Variants in APTX observed in about 807,000 individuals in gnomAD.
The protein encoded by APTX is forkhead-associated domain histidine triad-like protein.
A neutral mutation model predicts 42.3 loss-of-function variants in APTX; 33 were observed. That is an observed-to-expected ratio of 0.78 (90% CI 0.59 to 1.04). APTX has a LOEUF of 1.04. APTX is among the 50% of genes least tolerant of loss of function. APTX has a pLI of 0.00. For missense variants in APTX, 421 were observed against 415.1 expected, an observed-to-expected ratio of 1.01 and a Z score of -0.12; for synonymous variants, 130 against 146.7, an observed-to-expected ratio of 0.89 and a Z score of 0.82.
chr9:33,019,553 A>G, intron 1 of APTX: 2 of 342,362 alleles, frequency 5.8e-6, no homozygotes, highest in Middle Eastern at 7.9e-4. Context: ...AAAACAAGGG[A>G]CCCCTGAGCA....
chr9:33,020,349 G>C (rs1008812042), intron 1 of APTX, among the ~76,000 whole-genome samples: 1 of 152,108 alleles, frequency 6.6e-6, no homozygotes, highest in African/African-American at 2.4e-5. Context: ...CCCTACCTCT[G>C]CATCAAGTCA....
At chr9:33,001,502 G>C (rs556444062) in intron 1 of APTX, 65 bp downstream of exon 1, 2 of 1,610,716 alleles carry the variant, frequency 1.2e-6, no homozygotes, top group South Asian at 1.1e-5. Flanking sequence ...GAGCAGCCTC[G>C]GCCGAACGCT....
chr9:33,017,382 G>T (rs184923852), intron 1 of APTX, among the ~76,000 whole-genome samples: 1 of 152,300 alleles, frequency 6.6e-6, no homozygotes, highest in East Asian at 1.9e-4. Context: ...CAGGATCAAG[G>T]TACCAGCTGA....
chr9:33,000,337 A>G (rs1273218233), intron 1 of APTX, among the ~76,000 whole-genome samples: 2 of 152,170 alleles, frequency 1.3e-5, no homozygotes, highest in African/African-American at 4.8e-5. Flanking sequence ...TTTGAAAGCA[A>G]TAACTGCGGC....
intron 6 of APTX, among the ~76,000 whole-genome samples, chr9:32,975,543 C>G (rs1829179687): frequency 6.6e-6 from 1 of 151,914 alleles, no homozygotes; most frequent in South Asian, 2.1e-4. Flanking sequence ...ACTAAAAATA[C>G]AAAAAACTAA....
chr9:33,007,502 A>G (rs962324501), intron 1 of APTX, among the ~76,000 whole-genome samples: 1 of 152,226 alleles, frequency 6.6e-6, no homozygotes, highest in South Asian at 2.1e-4. Context: ...AAGGGACAGA[A>G]GTTCACTGAC....
intron 1 of APTX, among the ~76,000 whole-genome samples, chr9:32,993,433 T>C (rs1834105049): frequency 6.6e-6 from 1 of 152,224 alleles, no homozygotes; most frequent in South Asian, 2.1e-4. Flanking sequence ...CTGAAAACTA[T>C]GACAATAGAG....
intron 1 of APTX, among the ~76,000 whole-genome samples, chr9:33,012,694 A>G (rs1564002827): frequency 6.6e-6 from 1 of 152,204 alleles, no homozygotes; most frequent in Non-Finnish European, 1.5e-5. Context: ...AGCAGTTGCT[A>G]CACAGAACAG....
In APTX at chr9:33,000,446, G is replaced by C. The variant is rs147644174; in HGVS notation, c.-5+1121C>G. Among the ~76,000 whole-genome samples, 173 of 152,022 alleles carry C rather than the reference G, an allele frequency of 1.1e-3. 5 individuals carry two copies. The highest frequency in any genetic ancestry group is 4.0e-3 in the African/African-American group (165 of 41,480). On this transcript the variant is annotated intron_variant, in intron 1 of 7. Transcript: ENST00000379817. ...GTTTGAGACCAGCCTGGCCAACATGGTGAAACCCCATCTCTACTAAAAATA... is the reference window on the plus strand; with the variant it reads ...GTTTGAGACCAGCCTGGCCAACATGCTGAAACCCCATCTCTACTAAAAATA...
Position 33,021,431 on chromosome 9 carries a change from G to A in APTX, c.-5+3592C>T, listed in dbSNP as rs1587680953. ...CCAGAAATATTCCTAAGTTCCTCTG[G>A]AAGAATAAACATATTAAAAAAAATA... On this transcript the variant is annotated intron_variant, in intron 1 of 6. Coordinates refer to the APTX transcript ENST00000436040. Among the ~76,000 whole-genome samples the A allele has an allele frequency of 2.6e-5, 4 of 151,502 alleles. No individual in the cohort carries two copies. The East Asian group carries it at 7.7e-4, about 29-fold the overall frequency.
chr9:33,022,953 C>CA (rs1838509434), intron 1 of APTX, among the ~76,000 whole-genome samples: 1 of 152,180 alleles, frequency 6.6e-6, no homozygotes, highest in African/African-American at 2.4e-5. Flanking sequence ...CCTCCTGCCT[C>CA]AGCCTCCCAA....
At chr9:32,994,340 T>G (rs1032013091) in intron 1 of APTX, among the ~76,000 whole-genome samples, 1 of 152,178 alleles carries the variant, frequency 6.6e-6, no homozygotes, top group Non-Finnish European at 1.5e-5. Flanking sequence ...AAACTTGCCC[T>G]GCCCTGATCC....
intron 1 of APTX, chr9:33,019,824 G>A: frequency 1.6e-6 from 1 of 641,594 alleles, no homozygotes; most frequent in Non-Finnish European, 2.7e-6. Context: ...CGGACGGCCA[G>A]GATCCTGCCG....
intron 1 of APTX, among the ~76,000 whole-genome samples, chr9:33,023,166 G>T (rs891870295): frequency 6.6e-6 from 1 of 151,094 alleles, no homozygotes. Context: ...TCAACTGTTT[G>T]TTTCTGGTTC....
Position 32,973,311 on chromosome 9 carries a change from C to G in APTX, c.*187G>C, listed in dbSNP as rs113638548. ...ACCAGAGAATACATCTATGACAAAC[C>G]CAAATTCCTAATCCTGAAGTACTTT... On this transcript the variant is annotated 3_prime_UTR_variant, in exon 8 of 8. Transcript: ENST00000379817. The G allele has an allele frequency of 1.8e-3, 1,302 of 743,666 alleles. 10 individuals carry two copies. The African/African-American group carries it at 0.02, about 11-fold the overall frequency. 46.1% of individuals were successfully genotyped at this position (743,666 alleles called of 1,614,324 possible).
intron 6 of APTX, among the ~76,000 whole-genome samples, chr9:32,975,007 C>T (rs1829030173): frequency 6.6e-6 from 1 of 152,112 alleles, no homozygotes; most frequent in Non-Finnish European, 1.5e-5. Context: ...GAAAGCATCT[C>T]CCGGGAAGTG....
At chr9:33,019,054 C>A (rs535119423) in intron 1 of APTX, among the ~76,000 whole-genome samples, 1 of 152,076 alleles carries the variant, frequency 6.6e-6, no homozygotes, top group African/African-American at 2.4e-5. Context: ...AAATAAAGAA[C>A]GAACTTTAGT....
upstream of APTX, among the ~76,000 whole-genome samples, chr9:33,004,393 A>G (rs148330917): frequency 5.3e-3 from 801 of 152,340 alleles, 8 homozygotes; most frequent in African/African-American, 0.018. Flanking sequence ...CCATGAAACC[A>G]AAAACCATTT....
chr9:32,990,131 T>G (rs1833226127), intron 1 of APTX: 1 of 574,316 alleles, frequency 1.7e-6, no homozygotes, highest in Non-Finnish European at 3.1e-6. Flanking sequence ...CCTGCCTGAA[T>G]CATGCTAGGC....
Sources: allele counts gnomAD v4.1 joint callset (sites outside exome capture counted in the v4.1 genomes callset), GRCh38; gene constraint gnomAD v4.1.1; transcripts MANE v1.5; gene names NCBI Gene and HGNC (gene_info 2026-07-23, HGNC 2026-07-21).